Variants in RPGRIP1L observed in about 807,000 individuals in gnomAD.
The protein encoded by RPGRIP1L is RPGRIP1 like.
In RPGRIP1L, 131 loss-of-function variants were observed where a neutral mutation model predicts 160.4. The observed-to-expected ratio is 0.82, with a 90% confidence interval of 0.71 to 0.94. The LOEUF (loss-of-function observed/expected upper bound fraction) is 0.94, where lower values mean the gene tolerates loss of function less well. RPGRIP1L is among the 40% of genes least tolerant of loss of function. The pLI is 0.00. For missense variants in RPGRIP1L, 1,522 were observed against 1,535.8 expected, an observed-to-expected ratio of 0.99 and a Z score of 0.15; for synonymous variants, 510 against 515.8, an observed-to-expected ratio of 0.99 and a Z score of 0.15.
intron 24 of RPGRIP1L, among the ~76,000 whole-genome samples, chr16:53,613,541 T>C (rs1221165087): frequency 6.6e-6 from 1 of 152,158 alleles, no homozygotes; most frequent in Non-Finnish European, 1.5e-5. Context: ...GATCTTGAAC[T>C]CCTGGCCTCA....
At chr16:53,640,074 GTA>G (rs1966106088) in intron 19 of RPGRIP1L, among the ~76,000 whole-genome samples, 1 of 152,158 alleles carries the variant, frequency 6.6e-6, no homozygotes, top group Admixed American at 6.6e-5. Context: ...TCTGAATACA[GTA>G]TATATTTTTA....
chr16:53,613,291 G>A (rs1567795725), intron 24 of RPGRIP1L, among the ~76,000 whole-genome samples: 1 of 151,806 alleles, frequency 6.6e-6, no homozygotes, highest in Non-Finnish European at 1.5e-5. Flanking sequence ...TAGACCATAC[G>A]GGTCATTCTA....
At chr16:53,648,004 C>T (rs1966676362) in intron 16 of RPGRIP1L, among the ~76,000 whole-genome samples, 1 of 147,386 alleles carries the variant, frequency 6.8e-6, no homozygotes, top group Non-Finnish European at 1.5e-5. Context: ...ACTTGGGAGG[C>T]TGAGGCAGGA....
rs397945611 is a variant in RPGRIP1L, at chr16:53,617,073, CAAAAA to C, written c.3616+1947_3616+1951del. ...GGCAATAGCACCAGACCTTGCATCACAAAAAAAAAAAAAAAAAAAAAAAAAAGCAC... is the reference window on the plus strand; with the variant it reads ...GGCAATAGCACCAGACCTTGCATCACAAAAAAAAAAAAAAAAAAAAAGCAC... On this transcript the variant is annotated intron_variant, in intron 24 of 26. Coordinates refer to ENST00000647211, the MANE Select transcript of RPGRIP1L (RefSeq NM_015272.5). 2.7e-3 allele frequency among the ~76,000 whole-genome samples: 59 copies of C among 21,846 alleles called. 1 individual carries two copies. The highest frequency in any genetic ancestry group is 0.016 in the African/African-American group (43 of 2,750). 14.3% of individuals were successfully genotyped at this position (21,846 alleles called of 152,430 possible).
chr16:53,680,321 A>G (rs994630417), intron 6 of RPGRIP1L, among the ~76,000 whole-genome samples: 1 of 152,138 alleles, frequency 6.6e-6, no homozygotes, highest in African/African-American at 2.4e-5. Flanking sequence ...CAAGGTCTGC[A>G]TGGCTATCCC....
At chr16:53,613,028 T>C (rs1964151837) in intron 24 of RPGRIP1L, among the ~76,000 whole-genome samples, 1 of 152,216 alleles carries the variant, frequency 6.6e-6, no homozygotes, top group African/African-American at 2.4e-5. Flanking sequence ...GTGTCCAGTT[T>C]ATTTCATTTA....
intron 14 of RPGRIP1L, among the ~76,000 whole-genome samples, chr16:53,656,141 G>A (rs1336846099): frequency 7.2e-5 from 11 of 152,148 alleles, no homozygotes; most frequent in Admixed American, 7.2e-4. Flanking sequence ...AAAAGCAGTA[G>A]GGAATTACTA....
intron 6 of RPGRIP1L, among the ~76,000 whole-genome samples, chr16:53,680,115 G>A (rs1420526994): frequency 1.3e-5 from 2 of 152,060 alleles, no homozygotes; most frequent in African/African-American, 4.8e-5. Context: ...AATTTCTGTG[G>A]TTTGTATAAA....
intron 22 of RPGRIP1L, among the ~76,000 whole-genome samples, chr16:53,622,965 C>A (rs1964836265): frequency 6.6e-6 from 1 of 152,046 alleles, no homozygotes; most frequent in Admixed American, 6.5e-5. Context: ...TGCCACTGCA[C>A]TCTATGCACT....
At chr16:53,672,753 T>A in intron 8 of RPGRIP1L, 117 bp downstream of exon 8, 1 of 895,048 alleles carries the variant, frequency 1.1e-6, no homozygotes, top group Admixed American at 2.2e-5. Flanking sequence ...CAAAACACCA[T>A]GTACATAACT....
intron 4 of RPGRIP1L, among the ~76,000 whole-genome samples, chr16:53,689,288 T>C (rs1442205043): frequency 1.3e-5 from 2 of 152,150 alleles, no homozygotes; most frequent in Admixed American, 6.5e-5. Context: ...ATATTCAGTA[T>C]GCTGTTGTTG....
intron 23 of RPGRIP1L, among the ~76,000 whole-genome samples, chr16:53,619,756 T>C (rs1964596813): frequency 6.6e-6 from 1 of 152,196 alleles, no homozygotes; most frequent in African/African-American, 2.4e-5. Flanking sequence ...GTTGAATAAA[T>C]AATACATTTT....
chr16:53,612,974 C>T (rs1253304305), intron 24 of RPGRIP1L, among the ~76,000 whole-genome samples: 11 of 152,068 alleles, frequency 7.2e-5, no homozygotes, highest in Non-Finnish European at 1.5e-4. Context: ...TCTGACTCCC[C>T]GAAGTATGTC....
At chr16:53,692,683 C>T (rs540018295) in intron 3 of RPGRIP1L, among the ~76,000 whole-genome samples, 2 of 152,326 alleles carry the variant, frequency 1.3e-5, no homozygotes, top group South Asian at 4.1e-4. Flanking sequence ...GAATGCTGTA[C>T]GCACTTAAGT....
chr16:53,691,330 G>A (rs1422884659), intron 4 of RPGRIP1L, among the ~76,000 whole-genome samples: 1 of 152,018 alleles, frequency 6.6e-6, no homozygotes, highest in African/African-American at 2.4e-5. Flanking sequence ...TGGGTGAAGA[G>A]AATTGAAAAT....
At chr16:53,677,928 A>G (rs972745680) in intron 6 of RPGRIP1L, among the ~76,000 whole-genome samples, 3 of 152,226 alleles carry the variant, frequency 2.0e-5, no homozygotes, top group Non-Finnish European at 2.9e-5. Flanking sequence ...AGAATAATGC[A>G]TGGTAAAAAC....
At chr16:53,673,625 T>C (rs1378183808) in intron 7 of RPGRIP1L, among the ~76,000 whole-genome samples, 3 of 152,164 alleles carry the variant, frequency 2.0e-5, no homozygotes, top group African/African-American at 7.2e-5. Context: ...TAAAGTCTTT[T>C]CATATAGACC....
At chr16:53,649,217 T>TGGCTGGGCGCG in intron 15 of RPGRIP1L, 102 bp from the exon 16 acceptor site, 1 of 945,376 alleles carries the variant, frequency 1.1e-6, no homozygotes, top group African/African-American at 1.6e-5. Flanking sequence ...CTATACATTT[T>TGGCTGGGCGCG]ATGCTGAGTA....
intron 22 of RPGRIP1L, among the ~76,000 whole-genome samples, chr16:53,633,839 T>C (rs1191112163): frequency 6.6e-6 from 1 of 152,220 alleles, no homozygotes; most frequent in Non-Finnish European, 1.5e-5. Flanking sequence ...CAGAAGTTCT[T>C]TGTACCACTT....
Sources: gnomAD v4.1 joint callset for allele counts (sites outside exome capture counted in the v4.1 genomes callset) on GRCh38, gnomAD v4.1.1 for gene constraint, MANE v1.5 for transcripts, NCBI Gene and HGNC (gene_info 2026-07-23, HGNC 2026-07-21) for gene names.